SLC5A1: variants seen among roughly 807,000 people sequenced by gnomAD.
SLC5A1 encodes the protein sodium/glucose cotransporter 1.
SLC5A1 carries 42 observed loss-of-function variants against 73.5 expected under a neutral mutation model. The observed-to-expected ratio is 0.57, with a 90% CI of 0.45 to 0.74. The LOEUF is 0.74. Among genes scored for constraint, SLC5A1 ranks in the 30% least tolerant of loss-of-function variants. SLC5A1 has a pLI of 0.00. For synonymous variants in SLC5A1, 300 were observed against 317.4 expected (o/e 0.95, Z 0.58); for missense variants, 634 against 855.4 (o/e 0.74, Z 3.23).
At chr22:32,055,655 C>T (rs1298471086) in intron 2 of SLC5A1, among the ~76,000 whole-genome samples, 1 of 152,202 alleles carries the variant, frequency 6.6e-6, no homozygotes, top group Non-Finnish European at 1.5e-5. Flanking sequence ...TCTCCCTGTG[C>T]CCCTGGGACT....
intron 5 of SLC5A1, among the ~76,000 whole-genome samples, chr22:32,075,561 C>T (rs1055016504): frequency 9.2e-5 from 14 of 152,046 alleles, no homozygotes; most frequent in Non-Finnish European, 1.9e-4. Context: ...CATTATATGC[C>T]CCCTACCTTC....
chr22:32,043,415 G>T lies in SLC5A1; in HGVS notation c.134G>T (p.Trp45Leu). 6.2e-7 allele frequency: 1 copy of T among 1,613,852 alleles called. No individual in the cohort carries two copies. Residue 45 changes from tryptophan (W) to leucine (L), a missense_variant and splice_region_variant, in exon 1 of 15, where the codon TGG (tryptophan) becomes TTG (leucine). By Grantham distance (61) the Trp-to-Leu change is moderately conservative (BLOSUM62 -2). This residue lies in a region of SLC5A1 where 422 missense variants were observed against 626.1 expected (regional missense o/e 0.67). Transcript: ENST00000266088. This position sits in a 1 kb window ranked among gnomAD's most constrained non-coding sequence, Gnocchi z 6.5. ...YFVVVMAVGLWAMFSTNRGTV... is the reference protein window; with the variant it reads ...YFVVVMAVGLLAMFSTNRGTV... ...GTGGTAGTGATGGCCGTCGGACTGT[G>T]GGTATGCAGCGGGTTCTGGGATGCG...
At chr22:32,087,105 G>A (rs564487335) in intron 10 of SLC5A1, among the ~76,000 whole-genome samples, 3 of 152,096 alleles carry the variant, frequency 2.0e-5, no homozygotes, top group Non-Finnish European at 4.4e-5. Flanking sequence ...GGTTGGGGTG[G>A]GGATCTGGGA....
At chr22:32,109,537 C>T (rs1603148923) in intron 14 of SLC5A1, among the ~76,000 whole-genome samples, 1 of 152,228 alleles carries the variant, frequency 6.6e-6, no homozygotes, top group South Asian at 2.1e-4. Context: ...TTAGAATGGA[C>T]AGATGTAACC....
intron 1 of SLC5A1, among the ~76,000 whole-genome samples, chr22:32,047,514 A>G (rs942807645): frequency 2.0e-5 from 3 of 152,098 alleles, no homozygotes; most frequent in Non-Finnish European, 4.4e-5. Context: ...GTCTCTTGCT[A>G]TTCCCAAAAA....
In SLC5A1 at chr22:32,111,631, C is replaced by G. The variant is rs1413383232; in HGVS notation, c.*1418C>G. ...ACAAACTGAACGTATGTAGGTGAGGCAAGGCAGGGTAGGGCAGGGCCTTTG... is the reference window on the plus strand; with the variant it reads ...ACAAACTGAACGTATGTAGGTGAGGGAAGGCAGGGTAGGGCAGGGCCTTTG... On this transcript the variant is annotated 3_prime_UTR_variant, in exon 15 of 15. Transcript: ENST00000266088. 1 of 152,148 alleles carries G rather than the reference C, an allele frequency of 6.6e-6. No homozygotes were observed. The highest frequency in any genetic ancestry group is 1.5e-5 in the Non-Finnish European group (1 of 68,048). 9.4% of individuals were successfully genotyped at this position (152,148 alleles called of 1,614,324 possible).
chr22:32,083,288 G>C (rs568570423), intron 7 of SLC5A1, 134 bp downstream of exon 7: 1 of 725,974 alleles, frequency 1.4e-6, no homozygotes, highest in Non-Finnish European at 2.4e-6. Flanking sequence ...CCTTCCAAAC[G>C]GAGGGTCCAG....
chr22:32,074,936 G>A (rs1029264043), intron 5 of SLC5A1, among the ~76,000 whole-genome samples: 3 of 152,016 alleles, frequency 2.0e-5, no homozygotes, highest in Non-Finnish European at 4.4e-5. Context: ...TTGCTCTGTT[G>A]CCCAGGCTGG....
chr22:32,070,647 T>A (rs1425654703), intron 5 of SLC5A1, among the ~76,000 whole-genome samples: 1 of 152,116 alleles, frequency 6.6e-6, no homozygotes, highest in African/African-American at 2.4e-5. Flanking sequence ...TGTTCCTTCT[T>A]TACTTCACTT....
chr22:32,054,884 G>A (rs1464957309), intron 2 of SLC5A1, among the ~76,000 whole-genome samples: 4 of 152,028 alleles, frequency 2.6e-5, no homozygotes, highest in Non-Finnish European at 4.4e-5. Flanking sequence ...CATGTTGGCC[G>A]GGCTGGTCTT....
At position 32,084,987 on chromosome 22, in the gene SLC5A1, A is replaced by T. The variant is rs1418518209; in HGVS notation, c.973A>T (p.Met325Leu). The part of the protein sequence containing the change: ...ILCGYLKLMP[M>L]FIMVMPGMIS... ...GTGTGGGTATCTAAAGCTGATGCCC[A>T]TGTTCATCATGGTGATGCCAGGAAT... The change falls in exon 9 of 15, where the codon ATG becomes TTG. Residue 325 changes from methionine to leucine, a missense_variant. Transcript: ENST00000266088. 1 of 1,614,210 alleles carries T rather than the reference A, an allele frequency of 6.2e-7. No individual in the cohort carries two copies. The highest frequency in any genetic ancestry group is 8.5e-7 in the Non-Finnish European group (1 of 1,180,036).
At chr22:32,054,519 T>C (rs532155412) in intron 2 of SLC5A1, among the ~76,000 whole-genome samples, 2 of 152,126 alleles carry the variant, frequency 1.3e-5, no homozygotes, top group East Asian at 1.9e-4. Context: ...AGGTTGAGAT[T>C]TGAATGATCA....
Position 32,086,954 on chromosome 22 carries a change from A to G in SLC5A1, c.1129+627A>G, listed in dbSNP as rs573292152. On this transcript the variant is annotated intron_variant, in intron 10 of 14. Transcript: ENST00000266088. ...CAAAAAGAAGGAAATTATGTCATTT[A>G]TGACAACATAAATGAACCTGGAGAA... is the stretch of plus-strand genomic sequence containing the variant. 5.1e-4 allele frequency among the ~76,000 whole-genome samples: 77 copies of G among 152,368 alleles called. 2 individuals are homozygous for G. In the South Asian group the frequency reaches 0.016, roughly 31 times the overall value.
intron 2 of SLC5A1, among the ~76,000 whole-genome samples, chr22:32,052,309 C>T (rs987476870): frequency 7.9e-5 from 12 of 152,178 alleles, no homozygotes; most frequent in African/African-American, 2.7e-4. Context: ...AGAAAGAGGA[C>T]AGGTTCTCAA....
At chr22:32,106,378 A>G (rs796109124) in intron 14 of SLC5A1, among the ~76,000 whole-genome samples, 5 of 152,376 alleles carry the variant, frequency 3.3e-5, no homozygotes, top group African/African-American at 1.2e-4. Context: ...AGAAACGTCT[A>G]TTAAAATCTT....
At chr22:32,075,792 G>A (rs1173188433) in intron 5 of SLC5A1, among the ~76,000 whole-genome samples, 1 of 152,138 alleles carries the variant, frequency 6.6e-6, no homozygotes, top group Non-Finnish European at 1.5e-5. Flanking sequence ...AGACAGGCAA[G>A]GCTTTGTCTT....
chr22:32,045,181 C>A (rs2093935553), intron 1 of SLC5A1, among the ~76,000 whole-genome samples: 2 of 152,200 alleles, frequency 1.3e-5, no homozygotes, highest in Admixed American at 6.5e-5. Flanking sequence ...AAGGTGTGAG[C>A]CCGTCATCTG....
At chr22:32,051,217 T>A (rs914697383) in intron 2 of SLC5A1, among the ~76,000 whole-genome samples, 3 of 151,908 alleles carry the variant, frequency 2.0e-5, no homozygotes, top group African/African-American at 7.3e-5. Context: ...GGGCAGGGAG[T>A]GGGAACTGCA....
At chr22:32,080,968 C>T (rs1039040984) in intron 5 of SLC5A1, among the ~76,000 whole-genome samples, 1 of 151,956 alleles carries the variant, frequency 6.6e-6, no homozygotes, top group South Asian at 2.1e-4. Flanking sequence ...CACTCTAGCC[C>T]GGGCGACAGA....
Sources: gnomAD v4.1 joint callset for allele counts (sites outside exome capture counted in the v4.1 genomes callset) on GRCh38, gnomAD v4.1.1 for gene constraint, gnomAD v4.1.1 regional missense constraint, Gnocchi (gnomAD v3.1) non-coding constraint, MANE v1.5 for transcripts, NCBI Gene and HGNC (gene_info 2026-07-23, HGNC 2026-07-21) for gene names.